Variants in ATRX observed in about 807,000 individuals in gnomAD.
ATRX encodes the protein ATRX chromatin remodeler, also known as chromatin remodeler ATRX.
ATRX carries 12 observed loss-of-function variants against 172.6 expected under a neutral mutation model. That is an observed-to-expected ratio of 0.07 (90% confidence interval 0.04 to 0.11). The LOEUF (loss-of-function observed/expected upper bound fraction) is 0.11, where lower values mean the gene tolerates loss of function less well. ATRX is among the 10% of genes least tolerant of loss of function. The pLI is 1.00. For missense variants in ATRX, 1,368 were observed against 1,767.4 expected (o/e 0.77, Z 4.05); for synonymous variants, 674 against 594.7 (o/e 1.13, Z -1.94).
intron 28 of ATRX, among the ~76,000 whole-genome samples, chrX:77,564,907 T>TAAC (rs2147980140): frequency 9.0e-6 from 1 of 111,729 alleles, no homozygotes; most frequent in African/African-American, 3.2e-5. Context: ...AACCAAGTTA[T>TAAC]AACAAGGCAC....
chrX:77,699,164 C>A (rs2072360710), intron 2 of ATRX, among the ~76,000 whole-genome samples: 1 of 110,040 alleles, frequency 9.1e-6, no homozygotes, highest in South Asian at 3.9e-4. Flanking sequence ...GATAGGGTCT[C>A]ACTCCATTGT....
chrX:77,694,295 T>G (rs1557148567), intron 5 of ATRX, among the ~76,000 whole-genome samples: 1 of 111,929 alleles, frequency 8.9e-6, no homozygotes, highest in Non-Finnish European at 1.9e-5. Flanking sequence ...CATAAAGAAT[T>G]CATAAAATAT....
intron 30 of ATRX, among the ~76,000 whole-genome samples, chrX:77,543,986 C>T (rs1252164477): frequency 1.0e-4 from 11 of 107,429 alleles, no homozygotes; most frequent in South Asian, 4.0e-4. Context: ...TGGACACAAG[C>T]AGGGTAATCA....
At chrX:77,722,256 C>T (rs1386852948) in intron 1 of ATRX, among the ~76,000 whole-genome samples, 1 of 110,943 alleles carries the variant, frequency 9.0e-6, no homozygotes, top group Non-Finnish European at 1.9e-5. Context: ...CCATTCAGGA[C>T]ATAGGCATGG....
intron 22 of ATRX, among the ~76,000 whole-genome samples, chrX:77,613,487 T>C (rs1438321792): frequency 2.7e-5 from 3 of 112,124 alleles, no homozygotes; most frequent in Non-Finnish European, 5.6e-5. Flanking sequence ...CAGTTGACCC[T>C]TGCGCACCAA....
chrX:77,675,532 A>G (rs2070822086), intron 10 of ATRX: 1 of 111,559 alleles, frequency 9.0e-6, no homozygotes, highest in African/African-American at 3.3e-5. Context: ...AGTCTTTAAT[A>G]CTGTTGTTTT....
intron 1 of ATRX, among the ~76,000 whole-genome samples, chrX:77,779,521 C>T (rs374929780): frequency 7.0e-4 from 78 of 111,456 alleles, no homozygotes; most frequent in African/African-American, 1.4e-3. Flanking sequence ...GCAAAACTTT[C>T]CTAGACATCC....
At chrX:77,538,948 G>A (rs2063861312) in intron 30 of ATRX, among the ~76,000 whole-genome samples, 1 of 103,209 alleles carries the variant, frequency 9.7e-6, no homozygotes. Flanking sequence ...AGGCTGGAGT[G>A]CAGTGGCGCA....
rs781809356 is a variant in ATRX, at chrX:77,601,741, A to C, written c.5567-1177T>G. ...GGTTTTAAACTATGTAAGTTGTTTA[A>C]ATAATTAGCAAATTTTGCCTCCACG... is the stretch of plus-strand genomic sequence containing the variant. On this transcript the variant is annotated intron_variant, in intron 22 of 34. Transcript: ENST00000373344. 1.8e-4 allele frequency among the ~76,000 whole-genome samples: 20 copies of C among 111,930 alleles called. 1 individual carries two copies. The South Asian group carries it at 7.4e-3, about 41-fold the overall frequency.
chrX:77,525,711 T>C (rs987226337), intron 30 of ATRX, among the ~76,000 whole-genome samples: 1 of 112,223 alleles, frequency 8.9e-6, no homozygotes, highest in Admixed American at 9.4e-5. Flanking sequence ...TAACTTAGTC[T>C]AGCTATGACT....
intron 15 of ATRX, among the ~76,000 whole-genome samples, chrX:77,649,025 A>G (rs1397835390): frequency 9.0e-6 from 1 of 110,565 alleles, no homozygotes; most frequent in Admixed American, 9.7e-5. Flanking sequence ...TTAACCAGGT[A>G]TGGTGGTACA....
chrX:77,540,177 T>C (rs781983192), intron 30 of ATRX, among the ~76,000 whole-genome samples: 23 of 111,377 alleles, frequency 2.1e-4, no homozygotes, highest in Non-Finnish European at 3.6e-4. Context: ...TAATCTCGGA[T>C]AAAACAGACT....
intron 15 of ATRX, among the ~76,000 whole-genome samples, chrX:77,638,430 G>A (rs902692144): frequency 1.8e-5 from 2 of 112,661 alleles, no homozygotes; most frequent in African/African-American, 6.4e-5. Flanking sequence ...CCGTGATTGC[G>A]CCACTGCACT....
At chrX:77,631,233 T>C (rs1258005150) in intron 19 of ATRX, among the ~76,000 whole-genome samples, 1 of 109,517 alleles carries the variant, frequency 9.1e-6, no homozygotes. Flanking sequence ...TAATGGTTTA[T>C]AGTCCAATGC....
chrX:77,663,489 T>C lies in ATRX; in HGVS notation c.4013A>G (p.His1338Arg). 1 of 1,211,293 alleles carries C rather than the reference T, an allele frequency of 8.3e-7. No individual in the cohort carries two copies. Among genetic ancestry groups the C allele is most frequent in the Non-Finnish European group, 1.1e-6 (1 of 894,760 alleles). Residue 1338 changes from histidine to arginine, a missense_variant, in exon 12 of 35, where the codon CAT becomes CGT. By Grantham distance (29) the His-to-Arg change is conservative. Coordinates refer to ENST00000373344, the MANE Select transcript of ATRX (RefSeq NM_000489.6). ...AGTCAATTTGTGCCGCAAAAGCCTA[T>C]GTCTGTATCTTGGCTTCTTAGATTC... is the stretch of plus-strand genomic sequence containing the variant. ...SEESKKPRYR[H>R]RLLRHKLTVS...
At chrX:77,726,981 A>G (rs2074073226) in intron 1 of ATRX, among the ~76,000 whole-genome samples, 1 of 111,670 alleles carries the variant, frequency 9.0e-6, no homozygotes, top group African/African-American at 3.3e-5. Context: ...ACTTAAATTT[A>G]TAAGAAAAAA....
chrX:77,538,731 T>C (rs1164673179), intron 30 of ATRX, among the ~76,000 whole-genome samples: 3 of 111,606 alleles, frequency 2.7e-5, no homozygotes, highest in African/African-American at 9.8e-5. Flanking sequence ...CAAATAATGT[T>C]GGAACTATAA....
chrX:77,572,698 A>G (rs782329178), intron 28 of ATRX, among the ~76,000 whole-genome samples: 2 of 112,132 alleles, frequency 1.8e-5, no homozygotes, highest in South Asian at 7.4e-4. Context: ...CTTCACACTC[A>G]TGTACAAATA....
In ATRX at chrX:77,600,205, C is replaced by T. The variant is rs1323375799; in HGVS notation, c.5697+229G>A. On this transcript the variant is annotated intron_variant, in intron 23 of 34. Transcript: ENST00000373344. ...TCTCAGAACTATTTTTGCAACTTTT[C>T]TATAAGTATAAAATTATTTCAAAAT... Among the ~76,000 whole-genome samples, 3 of 111,605 alleles carry T rather than the reference C, an allele frequency of 2.7e-5. No homozygotes were observed. In the South Asian group the frequency reaches 1.1e-3, roughly 41 times the overall value.
Sources: allele counts gnomAD v4.1 joint callset (sites outside exome capture counted in the v4.1 genomes callset), GRCh38; gene constraint gnomAD v4.1.1; transcripts MANE v1.5; gene names NCBI Gene and HGNC (gene_info 2026-07-23, HGNC 2026-07-21).